The following DTNA variants were observed in gnomAD, a reference collection of about 807,000 sequenced individuals.
DTNA encodes the protein dystrobrevin alpha.
A neutral mutation model predicts 100.7 loss-of-function variants in DTNA; 43 were observed. The observed-to-expected ratio is 0.43, with a 90% CI of 0.33 to 0.55. The LOEUF is 0.55. DTNA is among the 20% of genes least tolerant of loss of function. The pLI is 0.04. For missense variants in DTNA, 798 were observed against 953.9 expected (o/e 0.84, Z 2.15); for synonymous variants, 349 against 347.9 (o/e 1.00, Z -0.04).
intron 1 of DTNA, among the ~76,000 whole-genome samples, chr18:34,639,702 C>T (rs1469308243): frequency 2.0e-5 from 3 of 152,186 alleles, no homozygotes; most frequent in Admixed American, 6.5e-5. Context: ...CTGACCTACT[C>T]CAGGACTCAG....
At chr18:34,562,363 G>A (rs1003980368) in intron 1 of DTNA, among the ~76,000 whole-genome samples, 10 of 152,280 alleles carry the variant, frequency 6.6e-5, no homozygotes, top group African/African-American at 2.2e-4. Context: ...AGAACTTCCC[G>A]TTATTTGAGT....
At chr18:34,493,460 G>A (rs1399534427) in exon 1 of DTNA, 2 of 152,318 alleles carry the variant, frequency 1.3e-5, no homozygotes, top group Non-Finnish European at 2.9e-5. Flanking sequence ...GCAGACCAAT[G>A]GACACCTTCT....
intron 1 of DTNA, among the ~76,000 whole-genome samples, chr18:34,632,086 T>C (rs2058144419): frequency 6.6e-6 from 1 of 152,174 alleles, no homozygotes; most frequent in African/African-American, 2.4e-5. Flanking sequence ...TGTTTTTCTT[T>C]AATCCATTTA....
intron 1 of DTNA, among the ~76,000 whole-genome samples, chr18:34,738,544 G>A (rs2090058821): frequency 6.6e-6 from 1 of 152,162 alleles, no homozygotes; most frequent in Non-Finnish European, 1.5e-5. Context: ...GCTGAGTCCA[G>A]CTTTGAAGCT....
intron 3 of DTNA, among the ~76,000 whole-genome samples, chr18:34,779,899 A>G (rs1713698626): frequency 1.3e-5 from 2 of 152,288 alleles, no homozygotes; most frequent in South Asian, 2.1e-4. Flanking sequence ...TTACAATCCA[A>G]CGAATGTGTT....
At chr18:34,706,851 T>G (rs1196470142), upstream of DTNA, among the ~76,000 whole-genome samples, 1 of 152,202 alleles carries the variant, frequency 6.6e-6, no homozygotes, top group Non-Finnish European at 1.5e-5. Context: ...CGATTAATAT[T>G]TTTTAGGTCA....
rs572278444 is a variant in DTNA, at chr18:34,671,039, G to A, written c.-1-84937G>A. 1.6e-3 allele frequency among the ~76,000 whole-genome samples: 244 copies of A among 152,308 alleles called. 1 individual carries two copies. The highest frequency in any genetic ancestry group is 5.6e-3 in the African/African-American group (231 of 41,576). On this transcript the variant is annotated intron_variant, in intron 1 of 19. Transcript: ENST00000283365. ...CCAGAGGTGGAGTCTACAGAGGCAG[G>A]CAGGCCTCCTTGAGCTGTGGTGGGC...
chr18:34,809,693 C>A (rs910581102), intron 5 of DTNA, among the ~76,000 whole-genome samples: 1 of 152,050 alleles, frequency 6.6e-6, no homozygotes. Context: ...CCAGCTACTC[C>A]CTTATTGTTG....
intron 17 of DTNA, chr18:34,866,296 A>G (rs2096703461): frequency 6.6e-7 from 1 of 1,506,556 alleles, no homozygotes; most frequent in Middle Eastern, 2.4e-4. Flanking sequence ...GAATTGAGAT[A>G]TATAAATTTA....
chr18:34,541,711 G>T (rs1209575306), intron 1 of DTNA, among the ~76,000 whole-genome samples: 1 of 152,046 alleles, frequency 6.6e-6, no homozygotes. Context: ...AGAAAATAAA[G>T]GATTTTTCTG....
intron 1 of DTNA, among the ~76,000 whole-genome samples, chr18:34,551,586 C>T (rs1037093459): frequency 5.3e-5 from 8 of 152,142 alleles, no homozygotes; most frequent in African/African-American, 1.7e-4. Context: ...CTCATTGCTG[C>T]ATTGTTCCTC....
At chr18:34,797,964 A>G (rs2095051835) in intron 4 of DTNA, among the ~76,000 whole-genome samples, 1 of 152,040 alleles carries the variant, frequency 6.6e-6, no homozygotes, top group Non-Finnish European at 1.5e-5. Flanking sequence ...TGAAAATCCA[A>G]GGTTGATCTT....
At chr18:34,598,394 G>A (rs148317264) in intron 1 of DTNA, among the ~76,000 whole-genome samples, 119 of 152,134 alleles carry the variant, frequency 7.8e-4, no homozygotes, top group Non-Finnish European at 1.5e-3. Flanking sequence ...ATAGCACAAT[G>A]GGAAAATGTC....
At chr18:34,602,927 G>A (rs1377721469) in intron 1 of DTNA, among the ~76,000 whole-genome samples, 2 of 151,632 alleles carry the variant, frequency 1.3e-5, no homozygotes, top group African/African-American at 2.4e-5. Context: ...CGCCTGAACC[G>A]GTGAGGCAGA....
chr18:34,519,749 A>G (rs961379032), intron 1 of DTNA, among the ~76,000 whole-genome samples: 6 of 152,184 alleles, frequency 3.9e-5, no homozygotes, highest in Admixed American at 3.9e-4. Context: ...TCTTTACCCA[A>G]GTTTTCAATT....
intron 1 of DTNA, among the ~76,000 whole-genome samples, chr18:34,652,083 A>AAAGG (rs763039051): frequency 7.3e-5 from 11 of 151,324 alleles, no homozygotes; most frequent in South Asian, 2.1e-4. Flanking sequence ...AGAAAAGAAA[A>AAAGG]AAGGAAGGAA....
intron 1 of DTNA, among the ~76,000 whole-genome samples, chr18:34,520,420 G>A (rs2042044857): frequency 6.6e-6 from 1 of 152,122 alleles, no homozygotes; most frequent in Non-Finnish European, 1.5e-5. Flanking sequence ...GAGAGGCCGA[G>A]GTGGGTGGAT....
intron 11 of DTNA, among the ~76,000 whole-genome samples, chr18:34,834,247 G>A (rs920054265): frequency 1.3e-5 from 2 of 152,016 alleles, no homozygotes; most frequent in African/African-American, 2.4e-5. Context: ...TGTAATTCCA[G>A]CACTTTGGGA....
At chr18:34,881,757 A>G (rs2096875774) in intron 20 of DTNA, among the ~76,000 whole-genome samples, 1 of 152,130 alleles carries the variant, frequency 6.6e-6, no homozygotes, top group African/African-American at 2.4e-5. Flanking sequence ...CCCTCAAAAG[A>G]TGTTTGCCAT....
Sources: allele counts gnomAD v4.1 joint callset (sites outside exome capture counted in the v4.1 genomes callset), GRCh38; gene constraint gnomAD v4.1.1; transcripts MANE v1.5; gene names NCBI Gene and HGNC (gene_info 2026-07-23, HGNC 2026-07-21).